Variants in GPATCH2 observed in about 807,000 individuals in gnomAD.
The protein encoded by GPATCH2 is G patch domain-containing protein 2.
A neutral mutation model predicts 58.0 loss-of-function variants in GPATCH2; 51 were observed. The ratio of observed to expected loss-of-function variants is 0.88; its 90% confidence interval spans 0.70 to 1.11. The LOEUF is 1.11. GPATCH2 is among the 50% of genes most tolerant of loss of function. The probability of loss-of-function intolerance (pLI) is 0.00; values close to 1 mark genes in which losing one functional copy is unlikely to be tolerated. For missense variants in GPATCH2, 625 were observed against 652.2 expected, an observed-to-expected ratio of 0.96 and a Z score of 0.45; for synonymous variants, 222 against 218.5, an observed-to-expected ratio of 1.02 and a Z score of -0.14.
At chr1:217,576,078 A>G (rs1666789677) in intron 5 of GPATCH2, among the ~76,000 whole-genome samples, 1 of 152,136 alleles carries the variant, frequency 6.6e-6, no homozygotes, top group African/African-American at 2.4e-5. Flanking sequence ...ATAGGTAAAT[A>G]TATACACACA....
At chr1:217,511,120 A>AATAAAATAAACATAAAATAAAAC (rs1266226090) in intron 6 of GPATCH2, among the ~76,000 whole-genome samples, 45 of 152,128 alleles carry the variant, frequency 3.0e-4, no homozygotes, top group African/African-American at 1.1e-3. Flanking sequence ...AAATAAATAA[A>AATAAAATAAACATAAAATAAAAC]ATAAAATAAA....
chr1:217,618,368 C>A (rs139011046), intron 2 of GPATCH2, among the ~76,000 whole-genome samples: 271 of 151,928 alleles, frequency 1.8e-3, no homozygotes, highest in African/African-American at 5.7e-3. Context: ...TCACCACACT[C>A]GGCTAATTTT....
chr1:217,498,396 C>T lies in GPATCH2; in HGVS notation c.1167-1G>A, dbSNP rs1309053240. 3.1e-6 allele frequency: 5 copies of T among 1,612,320 alleles called. No individual in the cohort carries two copies. The African/African-American group carries it at 5.3e-5, about 17-fold the overall frequency. ...CCTAGCCCCAGGGCTAAACCAATGGCTGCAGAGGAAAGAAAAAGGCAGTTA... is the reference window on the plus strand; with the variant it reads ...CCTAGCCCCAGGGCTAAACCAATGGTTGCAGAGGAAAGAAAAAGGCAGTTA... On this transcript the variant is annotated splice_acceptor_variant, in intron 6 of 9. Transcript: ENST00000366935. LOFTEE classifies it high-confidence loss of function.
At chr1:217,546,254 TA>T in intron 5 of GPATCH2, among the ~76,000 whole-genome samples, 1 of 152,290 alleles carries the variant, frequency 6.6e-6, no homozygotes, top group East Asian at 1.9e-4. Flanking sequence ...CTATTCCTAT[TA>T]AACTACCATT....
intron 5 of GPATCH2, chr1:217,609,623 C>T (rs1407693934): frequency 1.0e-6 from 1 of 979,302 alleles, no homozygotes; most frequent in Non-Finnish European, 1.2e-6. Context: ...ACCTTACCTA[C>T]TACTCATCTT....
chr1:217,603,125 G>A (rs1668187256), intron 5 of GPATCH2, among the ~76,000 whole-genome samples: 1 of 152,076 alleles, frequency 6.6e-6, no homozygotes, highest in South Asian at 2.1e-4. Context: ...GCATCATTGT[G>A]TCTAATTACC....
chr1:217,613,519 A>G (rs1668735788), intron 3 of GPATCH2, among the ~76,000 whole-genome samples: 1 of 152,128 alleles, frequency 6.6e-6, no homozygotes, highest in Non-Finnish European at 1.5e-5. Context: ...GTGTGACTAA[A>G]TGAAATTAAT....
chr1:217,624,440 C>A (rs1290756224), intron 1 of GPATCH2, among the ~76,000 whole-genome samples: 1 of 152,128 alleles, frequency 6.6e-6, no homozygotes, highest in Admixed American at 6.5e-5. Context: ...ATCACTTGAA[C>A]CAGGAGGCGG....
intron 5 of GPATCH2, among the ~76,000 whole-genome samples, chr1:217,603,541 A>G (rs886189444): frequency 6.6e-6 from 1 of 152,200 alleles, no homozygotes; most frequent in Non-Finnish European, 1.5e-5. Flanking sequence ...ATATTTTCAA[A>G]TAACTATGGA....
chr1:217,527,541 T>A (rs1411316814), intron 5 of GPATCH2, among the ~76,000 whole-genome samples: 1 of 151,642 alleles, frequency 6.6e-6, no homozygotes, highest in Admixed American at 6.6e-5. Flanking sequence ...CACCATGGCA[T>A]CTTTTATCTG....
chr1:217,569,381 C>G (rs777862593), intron 5 of GPATCH2, among the ~76,000 whole-genome samples: 5 of 152,078 alleles, frequency 3.3e-5, no homozygotes, highest in Admixed American at 3.3e-4. Context: ...TTTTATGAAG[C>G]AAGTATTTAA....
intron 9 of GPATCH2, among the ~76,000 whole-genome samples, chr1:217,441,416 A>G (rs1271902971): frequency 6.6e-6 from 1 of 152,202 alleles, no homozygotes; most frequent in Non-Finnish European, 1.5e-5. Context: ...AACCTAGGCA[A>G]TACCATTCAG....
At chr1:217,567,462 G>A (rs1191931600) in intron 5 of GPATCH2, among the ~76,000 whole-genome samples, 4 of 152,132 alleles carry the variant, frequency 2.6e-5, no homozygotes, top group Non-Finnish European at 5.9e-5. Context: ...AATCATCTAT[G>A]ATAAAGCACA....
chr1:217,615,735 A>G (rs894637931), intron 2 of GPATCH2, among the ~76,000 whole-genome samples: 8 of 152,170 alleles, frequency 5.3e-5, no homozygotes, highest in African/African-American at 1.9e-4. Flanking sequence ...CATAAAACAG[A>G]TTAATATATT....
intron 6 of GPATCH2, among the ~76,000 whole-genome samples, chr1:217,512,981 G>A (rs952449662): frequency 2.0e-5 from 3 of 152,052 alleles, no homozygotes; most frequent in African/African-American, 4.8e-5. Context: ...TCCTGAATGC[G>A]AACTTTTGTT....
intron 2 of GPATCH2, among the ~76,000 whole-genome samples, chr1:217,616,684 G>A (rs895333714): frequency 6.6e-6 from 1 of 152,116 alleles, no homozygotes; most frequent in Non-Finnish European, 1.5e-5. Flanking sequence ...ATTTTCAGCA[G>A]CTGACAGTCA....
At chr1:217,617,978 G>A (rs1668978744) in intron 2 of GPATCH2, among the ~76,000 whole-genome samples, 1 of 151,866 alleles carries the variant, frequency 6.6e-6, no homozygotes, top group South Asian at 2.1e-4. Flanking sequence ...AAAAAGGGGG[G>A]GAGCTTGCAC....
At chr1:217,447,520 T>A (rs1659444314) in intron 9 of GPATCH2, among the ~76,000 whole-genome samples, 1 of 152,128 alleles carries the variant, frequency 6.6e-6, no homozygotes, top group Admixed American at 6.5e-5. Flanking sequence ...GATAACACCA[T>A]CTCCCTCATA....
At chr1:217,519,253 A>G (rs1310708428) in intron 5 of GPATCH2, among the ~76,000 whole-genome samples, 1 of 152,222 alleles carries the variant, frequency 6.6e-6, no homozygotes, top group African/African-American at 2.4e-5. Flanking sequence ...AATGAATAAA[A>G]TATTTCATTG....
Sources: gnomAD v4.1 joint callset for allele counts (sites outside exome capture counted in the v4.1 genomes callset) on GRCh38, gnomAD v4.1.1 for gene constraint, MANE v1.5 for transcripts, NCBI Gene and HGNC (gene_info 2026-07-23, HGNC 2026-07-21) for gene names.